PTPRD: variants seen among roughly 807,000 people sequenced by gnomAD.
PTPRD encodes receptor-type tyrosine-protein phosphatase delta.
Under a neutral mutation model 214.5 loss-of-function variants are expected in PTPRD, and 34 were observed. The ratio of observed to expected loss-of-function variants is 0.16; its 90% CI spans 0.12 to 0.21. The LOEUF (loss-of-function observed/expected upper bound fraction) is 0.21. Among genes scored for constraint, PTPRD ranks in the 10% least tolerant of loss-of-function variants. The probability of loss-of-function intolerance (pLI) is 1.00; values close to 1 mark genes in which losing one functional copy is unlikely to be tolerated. For missense variants in PTPRD, 2,545 were observed against 2,398.7 expected (o/e 1.06, Z -1.27); for synonymous variants, 1,128 against 845.7 (o/e 1.33, Z -5.79).
chr9:10,250,302 C>T (rs568854671), intron 3 of PTPRD, among the ~76,000 whole-genome samples: 1 of 152,160 alleles, frequency 6.6e-6, no homozygotes, highest in Non-Finnish European at 1.5e-5. Flanking sequence ...TTCTCTGACC[C>T]TTTACTCATC....
At chr9:8,374,056 A>C (rs2082464077) in intron 39 of PTPRD, among the ~76,000 whole-genome samples, 1 of 151,172 alleles carries the variant, frequency 6.6e-6, no homozygotes, top group Non-Finnish European at 1.5e-5. Context: ...GAAAACTCCC[A>C]AATTATGTGT....
intron 39 of PTPRD, among the ~76,000 whole-genome samples, chr9:8,368,886 A>T (rs1028985878): frequency 6.6e-6 from 1 of 152,084 alleles, no homozygotes; most frequent in Non-Finnish European, 1.5e-5. Flanking sequence ...CACATGGCAT[A>T]ATTATTTTTC....
chr9:8,670,185 G>GA (rs1236959630), intron 12 of PTPRD, among the ~76,000 whole-genome samples: 1 of 151,980 alleles, frequency 6.6e-6, no homozygotes, highest in Non-Finnish European at 1.5e-5. Context: ...CTTATTTAAC[G>GA]AAAATCCCTA....
At chr9:9,384,073 T>C (rs1322772025) in intron 9 of PTPRD, among the ~76,000 whole-genome samples, 3 of 151,736 alleles carry the variant, frequency 2.0e-5, no homozygotes, top group Admixed American at 1.3e-4. Flanking sequence ...ACTAATTATA[T>C]TGAATTCAAA....
At chr9:8,356,454 G>GGCA (rs1459423145) in intron 39 of PTPRD, among the ~76,000 whole-genome samples, 2 of 152,144 alleles carry the variant, frequency 1.3e-5, no homozygotes, top group African/African-American at 2.4e-5. Flanking sequence ...ACTGTTCAAA[G>GGCA]GCAGCCAACA....
chr9:10,159,970 A>T (rs1040657135), intron 3 of PTPRD, among the ~76,000 whole-genome samples: 3 of 152,102 alleles, frequency 2.0e-5, no homozygotes, highest in Non-Finnish European at 2.9e-5. Context: ...AATACAAAAC[A>T]TTCTAAAACT....
intron 10 of PTPRD, among the ~76,000 whole-genome samples, chr9:9,078,679 A>T (rs1258889509): frequency 1.3e-5 from 2 of 152,046 alleles, no homozygotes; most frequent in African/African-American, 2.4e-5. Context: ...CAGGAGATAC[A>T]GCTGCAGGAA....
intron 2 of PTPRD, among the ~76,000 whole-genome samples, chr9:10,518,601 T>C (rs902879945): frequency 1.3e-4 from 20 of 152,040 alleles, no homozygotes; most frequent in Admixed American, 3.3e-4. Flanking sequence ...GGCCCAATCT[T>C]GGCTCACTTC....
chr9:8,926,343 A>G (rs1175116277), intron 11 of PTPRD, among the ~76,000 whole-genome samples: 1 of 152,140 alleles, frequency 6.6e-6, no homozygotes, highest in Non-Finnish European at 1.5e-5. Context: ...TTACCTCAAT[A>G]AAAATGACAA....
At chr9:10,431,566 A>C (rs929664599) in intron 2 of PTPRD, among the ~76,000 whole-genome samples, 3 of 151,796 alleles carry the variant, frequency 2.0e-5, no homozygotes, top group African/African-American at 7.2e-5. Context: ...CAGAATCTAC[A>C]ATGAACTCAA....
rs549075187 is a variant in PTPRD at position 9,772,534 on chromosome 9, G to A, written c.-367-5683C>T. Among the ~76,000 whole-genome samples, 121 of 150,420 alleles carry A rather than the reference G, an allele frequency of 8.0e-4. 1 individual carries two copies. Among genetic ancestry groups the A allele is most frequent in the Non-Finnish European group, 1.3e-3 (91 of 67,900 alleles). ...TCTCTTGATATTCCTAGGTTTCAAA[G>A]GGTTGTCCATCAGTGGACACAAGCT... On this transcript the variant is annotated intron_variant, in intron 5 of 45. Coordinates refer to ENST00000381196, the MANE Select transcript of PTPRD (RefSeq NM_002839.4).
At chr9:8,721,205 G>A (rs2098492234) in intron 12 of PTPRD, among the ~76,000 whole-genome samples, 1 of 151,944 alleles carries the variant, frequency 6.6e-6, no homozygotes, top group African/African-American at 2.4e-5. Context: ...GAGGCAGGGG[G>A]ATCATCTGAG....
chr9:9,780,875 C>T (rs140343602), intron 5 of PTPRD, among the ~76,000 whole-genome samples: 3 of 152,116 alleles, frequency 2.0e-5, no homozygotes, highest in Non-Finnish European at 4.4e-5. Context: ...ACTATCAAGC[C>T]AAGACAAAGC....
intron 3 of PTPRD, among the ~76,000 whole-genome samples, chr9:10,118,539 A>C (rs192752818): frequency 7.0e-4 from 107 of 151,978 alleles, no homozygotes; most frequent in African/African-American, 2.5e-3. Context: ...CGTTATTATC[A>C]GAAGTGATAC....
intron 13 of PTPRD, among the ~76,000 whole-genome samples, chr9:8,634,698 C>T (rs1451677349): frequency 6.6e-6 from 1 of 151,822 alleles, no homozygotes; most frequent in Non-Finnish European, 1.5e-5. Flanking sequence ...TTAAGCATTC[C>T]ATAATTTTAA....
At chr9:9,837,678 G>T (rs961010837) in intron 5 of PTPRD, among the ~76,000 whole-genome samples, 1 of 152,094 alleles carries the variant, frequency 6.6e-6, no homozygotes, top group Non-Finnish European at 1.5e-5. Context: ...GAGGGGAGTG[G>T]CTGTAATAAC....
At chr9:9,916,256 T>C (rs981456385) in intron 5 of PTPRD, among the ~76,000 whole-genome samples, 1 of 151,912 alleles carries the variant, frequency 6.6e-6, no homozygotes, top group African/African-American at 2.4e-5. Context: ...AGTAAAAAGG[T>C]GGTAAATACC....
chr9:8,483,294 T>C (rs1401954411), intron 30 of PTPRD, among the ~76,000 whole-genome samples: 2 of 152,212 alleles, frequency 1.3e-5, no homozygotes, highest in African/African-American at 4.8e-5. Context: ...CTTTTTGGAA[T>C]TTTTCCTACT....
chr9:9,396,210 G>A (rs377075229), intron 9 of PTPRD, among the ~76,000 whole-genome samples: 49 of 152,036 alleles, frequency 3.2e-4, no homozygotes, highest in African/African-American at 1.0e-3. Context: ...CAAATCAAAC[G>A]TTTGAAAAAT....
Sources: allele counts gnomAD v4.1 joint callset (sites outside exome capture counted in the v4.1 genomes callset), GRCh38; gene constraint gnomAD v4.1.1; transcripts MANE v1.5; gene names NCBI Gene and HGNC (gene_info 2026-07-23, HGNC 2026-07-21).